The following ADD3 variants were observed in gnomAD, a reference collection of about 807,000 sequenced individuals.
The protein encoded by ADD3 is adducin 3.
A neutral mutation model predicts 80.2 loss-of-function variants in ADD3; 25 were observed. The ratio of observed to expected loss-of-function variants is 0.31; its 90% CI spans 0.23 to 0.44. The LOEUF (loss-of-function observed/expected upper bound fraction) is 0.44. Among genes scored for constraint, ADD3 ranks in the 20% least tolerant of loss-of-function variants. The pLI is 1.00. For missense variants in ADD3, 829 were observed against 847.5 expected, an observed-to-expected ratio of 0.98 and a Z score of 0.27; for synonymous variants, 284 against 289.6, an observed-to-expected ratio of 0.98 and a Z score of 0.20.
intron 1 of ADD3, among the ~76,000 whole-genome samples, chr10:110,077,400 A>G (rs1845494324): frequency 6.6e-6 from 1 of 152,128 alleles, no homozygotes; most frequent in African/African-American, 2.4e-5. Context: ...ATTCTCCCAA[A>G]TGTGCTAGTT....
intron 1 of ADD3, among the ~76,000 whole-genome samples, chr10:110,095,850 TC>T (rs1215269427): frequency 6.6e-6 from 1 of 152,142 alleles, no homozygotes; most frequent in Non-Finnish European, 1.5e-5. Flanking sequence ...AAAAAGCCAA[TC>T]CCCAAAGGTT....
upstream of ADD3, among the ~76,000 whole-genome samples, chr10:110,002,055 G>C (rs1851496378): frequency 6.6e-6 from 1 of 152,120 alleles, no homozygotes. Flanking sequence ...CACTTTGGGA[G>C]GCTGAAGTGG....
rs144674456 is a variant in ADD3, at chr10:110,071,850, A to T, written c.-29-28775A>T. 5.4e-4 allele frequency among the ~76,000 whole-genome samples: 83 copies of T among 152,310 alleles called. No individual in the cohort carries two copies. In the East Asian group the frequency reaches 0.014, roughly 25 times the overall value. On this transcript the variant is annotated intron_variant, in intron 1 of 14. Transcript: ENST00000356080. ...ACTGAATTTCAACCTCAGCTTTAAT[A>T]AGCTGAACTTACCAATCATTGTAGG...
intron 1 of ADD3, among the ~76,000 whole-genome samples, chr10:110,083,990 A>G (rs970525275): frequency 4.6e-5 from 7 of 152,202 alleles, no homozygotes; most frequent in Non-Finnish European, 8.8e-5. Context: ...TTATTTGACA[A>G]TAAAGTACTT....
At chr10:110,067,151 A>T (rs1240048534) in intron 1 of ADD3, among the ~76,000 whole-genome samples, 1 of 152,214 alleles carries the variant, frequency 6.6e-6, no homozygotes, top group Non-Finnish European at 1.5e-5. Context: ...TAGAAAAATC[A>T]GTAGATTTGA....
intron 1 of ADD3, among the ~76,000 whole-genome samples, chr10:110,027,963 GGAA>G (rs1321263670): frequency 6.6e-6 from 1 of 152,104 alleles, no homozygotes; most frequent in African/African-American, 2.4e-5. Flanking sequence ...GGTTGTGGGG[GGAA>G]GAAAAGTTGG....
intron 2 of ADD3, among the ~76,000 whole-genome samples, chr10:110,111,205 C>T (rs1177113347): frequency 2.4e-4 from 36 of 152,180 alleles, no homozygotes; most frequent in Non-Finnish European, 1.5e-5. Flanking sequence ...AATTTTCTGC[C>T]TTCTCCCTCT....
chr10:110,132,252 T>C lies in ADD3; in HGVS notation c.1733-53T>C, dbSNP rs77847724. The C allele has an allele frequency of 3.3e-5, 44 of 1,317,262 alleles. No homozygotes were observed. In the East Asian group the frequency reaches 6.5e-4, roughly 19 times the overall value. The allele number at this position is 1,317,262 out of a possible 1,614,324, so 81.6% of individuals were successfully genotyped here. ...GTATGCACTAACCTCCCTAAAATCA[T>C]ATGCTGCTTTGTTTTGTTTTGCATG... On this transcript the variant is annotated intron_variant, in intron 13 of 14. Coordinates refer to ENST00000356080, the MANE Select transcript of ADD3 (RefSeq NM_016824.5).
chr10:110,031,288 TAAA>T (rs1398079256), intron 1 of ADD3, among the ~76,000 whole-genome samples: 2 of 152,030 alleles, frequency 1.3e-5, no homozygotes, highest in African/African-American at 4.8e-5. Flanking sequence ...AAAATCAAAA[TAAA>T]AAATAAATTT....
intron 2 of ADD3, 102 bp from the exon 3 acceptor site, chr10:110,112,675 G>A: frequency 1.5e-6 from 2 of 1,340,484 alleles, no homozygotes; most frequent in South Asian, 2.9e-5. Flanking sequence ...ACAGGTAAAA[G>A]CTATTCAGAA....
At chr10:110,127,848 C>T (rs776546792) in intron 12 of ADD3, among the ~76,000 whole-genome samples, 11 of 152,184 alleles carry the variant, frequency 7.2e-5, no homozygotes, top group Non-Finnish European at 1.2e-4. Flanking sequence ...TACTGTAGAA[C>T]GCACCCTCTA....
At chr10:110,068,295 C>CT (rs911625924) in intron 1 of ADD3, among the ~76,000 whole-genome samples, 1 of 152,184 alleles carries the variant, frequency 6.6e-6, no homozygotes, top group Non-Finnish European at 1.5e-5. Context: ...ACCTCCCCCC[C>CT]TCCTTTCTCT....
intron 2 of ADD3, among the ~76,000 whole-genome samples, chr10:110,102,569 G>T (rs1848947216): frequency 6.6e-6 from 1 of 152,056 alleles, no homozygotes; most frequent in African/African-American, 2.4e-5. Context: ...ATCACACTAC[G>T]GCACTCCAGC....
chr10:110,019,853 T>C (rs559589666), intron 1 of ADD3, among the ~76,000 whole-genome samples: 1 of 152,278 alleles, frequency 6.6e-6, no homozygotes, highest in East Asian at 1.9e-4. Context: ...ATGAAGACCA[T>C]GAAGGTCCTT....
intron 1 of ADD3, among the ~76,000 whole-genome samples, chr10:110,057,834 T>C (rs1428231089): frequency 6.6e-6 from 1 of 152,214 alleles, no homozygotes; most frequent in Non-Finnish European, 1.5e-5. Flanking sequence ...AAGCAGTGAT[T>C]CTTTGAAATA....
At chr10:110,113,825 A>G (rs1473365257) in intron 3 of ADD3, among the ~76,000 whole-genome samples, 1 of 152,208 alleles carries the variant, frequency 6.6e-6, no homozygotes, top group East Asian at 1.9e-4. Context: ...AACTTTGGGC[A>G]TGCTCCATTT....
chr10:110,075,526 C>T (rs1220781291), intron 1 of ADD3: 1 of 152,160 alleles, frequency 6.6e-6, no homozygotes, highest in African/African-American at 2.4e-5. Context: ...CAGACTGATT[C>T]TTCCATGCAC....
At chr10:110,060,241 T>C (rs142101039) in intron 1 of ADD3, among the ~76,000 whole-genome samples, 1 of 152,330 alleles carries the variant, frequency 6.6e-6, no homozygotes, top group Non-Finnish European at 1.5e-5. Context: ...ATTTCGTTTT[T>C]CTAATTTCCT....
intron 1 of ADD3, among the ~76,000 whole-genome samples, chr10:110,017,557 AG>A (rs1315367965): frequency 7.9e-5 from 12 of 152,124 alleles, no homozygotes; most frequent in Admixed American, 7.9e-4. Flanking sequence ...TATTTTTTGT[AG>A]GGGAGTGGGG....
Sources: allele counts gnomAD v4.1 joint callset (sites outside exome capture counted in the v4.1 genomes callset), GRCh38; gene constraint gnomAD v4.1.1; transcripts MANE v1.5; gene names NCBI Gene and HGNC (gene_info 2026-07-23, HGNC 2026-07-21).